The following CIBAR1 variants were observed in gnomAD, a reference collection of about 807,000 sequenced individuals.
CIBAR1 encodes CBY1-interacting BAR domain-containing protein 1.
In CIBAR1, 25 loss-of-function variants were observed where a neutral mutation model predicts 44.0. That is an observed-to-expected ratio of 0.57 (90% CI 0.41 to 0.79). The LOEUF is 0.79. Ranked by LOEUF, CIBAR1 falls within the 30% of genes least tolerant of loss-of-function variation. CIBAR1 has a pLI of 0.00. For missense variants in CIBAR1, 278 were observed against 344.8 expected, an observed-to-expected ratio of 0.81 and a Z score of 1.53; for synonymous variants, 115 against 119.0, an observed-to-expected ratio of 0.97 and a Z score of 0.22.
chr8:93,719,079 G>A (rs968994134), intron 7 of CIBAR1, among the ~76,000 whole-genome samples: 1 of 152,018 alleles, frequency 6.6e-6, no homozygotes, highest in African/African-American at 2.4e-5. Flanking sequence ...AGCCAGGCTG[G>A]TCTTGAACTC....
intron 2 of CIBAR1, chr8:93,701,893 A>G (rs1175615578): frequency 9.7e-6 from 2 of 206,116 alleles, no homozygotes; most frequent in East Asian, 2.6e-4. Context: ...TGCTGCATCC[A>G]TGGTTTGGAA....
In CIBAR1 at chr8:93,724,471, C is replaced by T. The variant is rs117206569; in HGVS notation, c.658-1923C>T. ...TCCCAAGTAGCTGGAATTATAGGCA[C>T]GTCCCACTATGCCTGGCTAATTTTC... On this transcript the variant is annotated intron_variant, in intron 7 of 8. Coordinates refer to ENST00000518322, the MANE Select transcript of CIBAR1 (RefSeq NM_145269.5). 4,929 of 508,466 alleles carry T rather than the reference C, an allele frequency of 9.7e-3. 39 individuals are homozygous for T. Among genetic ancestry groups the T allele is most frequent in the Non-Finnish European group, 0.012 (3,326 of 277,162 alleles). 31.5% of individuals were successfully genotyped at this position (508,466 alleles called of 1,614,324 possible). A position where few individuals can be genotyped will look rare whatever the true frequency, so the allele number is the denominator to read the frequency against.
chr8:93,719,103 A>G (rs1811146812), intron 7 of CIBAR1, among the ~76,000 whole-genome samples: 1 of 152,068 alleles, frequency 6.6e-6, no homozygotes, highest in Admixed American at 6.6e-5. Context: ...ATCTCAAGTG[A>G]TACGCCCACC....
At chr8:93,713,839 C>A (rs1047872952) in intron 6 of CIBAR1, among the ~76,000 whole-genome samples, 5 of 152,138 alleles carry the variant, frequency 3.3e-5, no homozygotes, top group Middle Eastern at 3.2e-3. Context: ...ATGTGTCTAT[C>A]CTTATGTCAA....
At chr8:93,728,161 T>TA in intron 8 of CIBAR1, 44 bp from the exon 9 acceptor site, 22 of 1,276,438 alleles carry the variant, frequency 1.7e-5, no homozygotes, top group Non-Finnish European at 2.3e-5. Context: ...AAAATTTTTT[T>TA]AAGTTAGTAT....
At chr8:93,718,509 G>C (rs1281471318) in intron 6 of CIBAR1, among the ~76,000 whole-genome samples, 166 bp from the exon 7 acceptor site, 1 of 152,148 alleles carries the variant, frequency 6.6e-6, no homozygotes, top group Non-Finnish European at 1.5e-5. Context: ...GCAGCAAAAG[G>C]TCTTCACAAC....
rs1270088027 is a variant in CIBAR1, at chr8:93,720,626, T to C, written c.657+1838T>C. 2.6e-5 allele frequency: 4 copies of C among 152,258 alleles called. No homozygotes were observed. In the South Asian group the frequency reaches 6.2e-4, roughly 24 times the overall value. 9.4% of individuals were successfully genotyped at this position (152,258 alleles called of 1,614,324 possible). ...TGGCCCACACCTGCAATCCCAGCAC[T>C]TTGGGAGCCCAAGGCGGGTGGATCA... On this transcript the variant is annotated intron_variant, in intron 7 of 8. Transcript: ENST00000518322.
At chr8:93,724,420 G>C in intron 7 of CIBAR1, 1 of 424,806 alleles carries the variant, frequency 2.4e-6, no homozygotes, top group Non-Finnish European at 4.7e-6. Flanking sequence ...TGACCTCTGA[G>C]CTTAGGTGAT....
chr8:93,725,094 T>C (rs1811425153), intron 7 of CIBAR1, among the ~76,000 whole-genome samples: 1 of 152,112 alleles, frequency 6.6e-6, no homozygotes, highest in Non-Finnish European at 1.5e-5. Context: ...GTGATTCTCC[T>C]GCGTCAGCCT....
At chr8:93,713,483 G>C (rs1190949110) in intron 6 of CIBAR1, among the ~76,000 whole-genome samples, 1 of 152,256 alleles carries the variant, frequency 6.6e-6, no homozygotes, top group East Asian at 1.9e-4. Context: ...TTGAAGCACA[G>C]GTTTTTAATT....
chr8:93,724,760 C>T (rs1256158657), intron 7 of CIBAR1, among the ~76,000 whole-genome samples: 1 of 152,178 alleles, frequency 6.6e-6, no homozygotes. Context: ...TCCTCGGCCA[C>T]GTGAACCACA....
chr8:93,713,613 T>C (rs1487108119), intron 6 of CIBAR1, among the ~76,000 whole-genome samples: 1 of 152,244 alleles, frequency 6.6e-6, no homozygotes, highest in Non-Finnish European at 1.5e-5. Context: ...AATTTTATAG[T>C]TTCAGCCCTT....
rs566923413 is a variant in CIBAR1 at position 93,724,715 on chromosome 8, A to G, written c.658-1679A>G. The G allele has an allele frequency of 7.4e-6, 8 of 1,084,010 alleles. No homozygotes were observed. In the South Asian group the frequency reaches 1.2e-4, roughly 16 times the overall value. The allele number at this position is 1,084,010 out of a possible 1,614,324, so 67.1% of individuals were successfully genotyped here. The stretch of plus-strand genomic sequence containing the variant: ...GTTCAGTAAAGTAGCCATTAGGCAT[A>G]TATAACTATTTAAAGTTCAATTTAA... On this transcript the variant is annotated intron_variant, in intron 7 of 8. Coordinates refer to ENST00000518322, the MANE Select transcript of CIBAR1 (RefSeq NM_145269.5).
chr8:93,704,169 T>C (rs1412357658), intron 3 of CIBAR1, among the ~76,000 whole-genome samples: 1 of 152,158 alleles, frequency 6.6e-6, no homozygotes, highest in Non-Finnish European at 1.5e-5. Context: ...AATGAGCTTA[T>C]TAAGTATACT....
rs1004708543 is a variant in CIBAR1, at chr8:93,700,572, C to T, written c.-76C>T. 10 of 1,402,886 alleles carry T rather than the reference C, an allele frequency of 7.1e-6. No homozygotes were observed. The highest frequency in any genetic ancestry group is 9.3e-6 in the Non-Finnish European group (10 of 1,077,994). 86.9% of individuals were successfully genotyped at this position (1,402,886 alleles called of 1,614,324 possible). A position where few individuals can be genotyped will look rare whatever the true frequency, so the allele number is the denominator to read the frequency against. On this transcript the variant is annotated 5_prime_UTR_variant, in exon 1 of 9. Transcript: ENST00000518322. ...TTCAGGCTCCCGGCGGCTGCTTGCG[C>T]CCCAGCGCGCGCCCAGGCGCCTTGG...
chr8:93,718,898 C>G, intron 7 of CIBAR1, 110 bp downstream of exon 7: 1 of 611,880 alleles, frequency 1.6e-6, no homozygotes, highest in Non-Finnish European at 2.6e-6. Context: ...GAGTCTCACT[C>G]TGTTGCCCAA....
chr8:93,708,894 T>G (rs2130308956), intron 5 of CIBAR1, among the ~76,000 whole-genome samples: 1 of 152,328 alleles, frequency 6.6e-6, no homozygotes, highest in African/African-American at 2.4e-5. Context: ...TTGTCATAGC[T>G]GTCTCTCTAC....
chr8:93,704,331 C>G (rs1003811957), intron 3 of CIBAR1, among the ~76,000 whole-genome samples: 2 of 152,130 alleles, frequency 1.3e-5, no homozygotes, highest in Admixed American at 1.3e-4. Flanking sequence ...TTAAAAGTTA[C>G]TTTATTGATA....
At chr8:93,704,766 G>T in intron 3 of CIBAR1, 143 bp from the exon 4 acceptor site, 2 of 557,332 alleles carry the variant, frequency 3.6e-6, no homozygotes, top group African/African-American at 1.9e-5. Context: ...TGTAATACTT[G>T]TAATTCCTGT....
Sources: allele counts gnomAD v4.1 joint callset (sites outside exome capture counted in the v4.1 genomes callset), GRCh38; gene constraint gnomAD v4.1.1; transcripts MANE v1.5; gene names NCBI Gene and HGNC (gene_info 2026-07-23, HGNC 2026-07-21).